SCAPER: variants seen among roughly 807,000 people sequenced by gnomAD.
The protein encoded by SCAPER is S-phase cyclin A associated protein in the ER.
A neutral mutation model predicts 182.2 loss-of-function variants in SCAPER; 98 were observed. That is an observed-to-expected ratio of 0.54 (90% CI 0.46 to 0.64). The LOEUF (loss-of-function observed/expected upper bound fraction) is 0.64. SCAPER is among the 30% of genes least tolerant of loss of function. The pLI, the probability that SCAPER is intolerant of heterozygous loss-of-function variation, is 0.00. For synonymous variants in SCAPER, 605 were observed against 564.6 expected, an observed-to-expected ratio of 1.07 and a Z score of -1.01; for missense variants, 1,432 against 1,690.0, an observed-to-expected ratio of 0.85 and a Z score of 2.68.
intron 17 of SCAPER, among the ~76,000 whole-genome samples, chr15:76,727,874 C>G (rs970942054): frequency 6.6e-6 from 1 of 151,502 alleles, no homozygotes; most frequent in African/African-American, 2.4e-5. Flanking sequence ...GACCCCAATA[C>G]AGGAATGAAC....
intron 5 of SCAPER, among the ~76,000 whole-genome samples, chr15:76,806,684 A>G (rs998882903): frequency 2.0e-5 from 3 of 152,156 alleles, no homozygotes; most frequent in Admixed American, 6.5e-5. Flanking sequence ...TGAATTCTGA[A>G]TATCTTTTCC....
chr15:76,440,918 G>C (rs4606682), intron 25 of SCAPER, among the ~76,000 whole-genome samples: 1 of 62,654 alleles, frequency 1.6e-5, no homozygotes, highest in Non-Finnish European at 2.9e-5. Flanking sequence ...TTTTTTTTTT[G>C]TTTTTTTTTT....
At chr15:76,628,990 C>T (rs1231581084) in intron 21 of SCAPER, among the ~76,000 whole-genome samples, 3 of 152,206 alleles carry the variant, frequency 2.0e-5, no homozygotes, top group African/African-American at 7.2e-5. Context: ...TCCTTCACTT[C>T]CCTTGTTAGC....
intron 21 of SCAPER, among the ~76,000 whole-genome samples, chr15:76,662,578 T>C (rs992951432): frequency 1.3e-5 from 2 of 152,130 alleles, no homozygotes; most frequent in African/African-American, 4.8e-5. Context: ...CAGAAATATA[T>C]TTAAACTAAT....
chr15:76,683,907 C>T (rs2057881652), intron 20 of SCAPER, among the ~76,000 whole-genome samples: 1 of 152,114 alleles, frequency 6.6e-6, no homozygotes, highest in Non-Finnish European at 1.5e-5. Flanking sequence ...GGAGTTCAGC[C>T]TTGTAATGGA....
At chr15:76,411,601 T>G (rs898397590) in intron 26 of SCAPER, among the ~76,000 whole-genome samples, 1 of 152,144 alleles carries the variant, frequency 6.6e-6, no homozygotes, top group Non-Finnish European at 1.5e-5. Flanking sequence ...TGGGAAAGTC[T>G]TTTTGTGAAC....
intron 23 of SCAPER, chr15:76,567,303 T>G (rs1350626911): frequency 2.2e-6 from 1 of 452,560 alleles, no homozygotes; most frequent in African/African-American, 2.0e-5. Context: ...GATGGATTCT[T>G]GCACTATTTT....
intron 4 of SCAPER, among the ~76,000 whole-genome samples, chr15:76,845,483 C>G (rs575666695): frequency 1.3e-5 from 2 of 151,968 alleles, no homozygotes; most frequent in African/African-American, 4.8e-5. Flanking sequence ...CCACCAAAAA[C>G]TATTAGAACT....
chr15:76,607,462 T>TTTCC (rs2050537642), intron 22 of SCAPER, among the ~76,000 whole-genome samples: 1 of 152,246 alleles, frequency 6.6e-6, no homozygotes, highest in Admixed American at 6.5e-5. Context: ...TTTTCCTTCA[T>TTTCC]TTCAACTTTG....
At chr15:76,444,100 T>C (rs949233965) in intron 25 of SCAPER, among the ~76,000 whole-genome samples, 1 of 152,216 alleles carries the variant, frequency 6.6e-6, no homozygotes, top group Non-Finnish European at 1.5e-5. Context: ...AGGGTCCTTT[T>C]CCACCACAGC....
At chr15:76,642,558 A>C (rs917013777) in intron 21 of SCAPER, among the ~76,000 whole-genome samples, 1 of 152,160 alleles carries the variant, frequency 6.6e-6, no homozygotes, top group Non-Finnish European at 1.5e-5. Context: ...TTATCACTTC[A>C]TACCTGGATC....
intron 8 of SCAPER, among the ~76,000 whole-genome samples, chr15:76,790,283 T>A (rs1333947735): frequency 6.6e-6 from 1 of 152,102 alleles, no homozygotes; most frequent in African/African-American, 2.4e-5. Context: ...TTTAATTTCC[T>A]TGTTAGATTT....
At chr15:76,628,788 G>C (rs2044520446) in intron 21 of SCAPER, among the ~76,000 whole-genome samples, 1 of 152,128 alleles carries the variant, frequency 6.6e-6, no homozygotes, top group South Asian at 2.1e-4. Flanking sequence ...TTTTAAAATA[G>C]TTTATTCTAA....
At chr15:76,870,274 C>T (rs76170392) in intron 2 of SCAPER, among the ~76,000 whole-genome samples, 6,977 of 151,966 alleles carry the variant, frequency 0.046, 468 homozygotes, top group African/African-American at 0.15. Context: ...TACAAAAAGA[C>T]ATATTTAGGT....
rs574114718 is a variant in SCAPER, at chr15:76,441,036, C to G, written c.3079-6726G>C. Among the ~76,000 whole-genome samples, 402 of 150,712 alleles carry G rather than the reference C, an allele frequency of 2.7e-3. 3 individuals are homozygous for G. Among genetic ancestry groups the G allele is most frequent in the African/African-American group, 9.4e-3 (387 of 41,080 alleles). On this transcript the variant is annotated intron_variant, in intron 25 of 31. Coordinates refer to ENST00000563290, the MANE Select transcript of SCAPER (RefSeq NM_020843.4). ...TCCCAGGTTCACGCCATTCTCCCAC[C>G]TCAGCCTCCTGAGTAGCTGGGACTA...
intron 4 of SCAPER, among the ~76,000 whole-genome samples, chr15:76,848,235 G>A (rs1001410206): frequency 6.6e-6 from 1 of 151,930 alleles, no homozygotes. Flanking sequence ...CCTAATCTCA[G>A]GTGACCTGCC....
Position 76,883,805 on chromosome 15 carries a change from C to A in SCAPER, c.6+7G>T. 3 of 1,529,598 alleles carry A rather than the reference C, an allele frequency of 2.0e-6. No individual in the cohort carries two copies. The highest frequency in any genetic ancestry group is 4.8e-5 in the East Asian group (2 of 41,764). 94.8% of individuals were successfully genotyped at this position (1,529,598 alleles called of 1,614,324 possible). The stretch of plus-strand genomic sequence containing the variant: ...AAACTAAGGCTAGTCTTTAAGATAT[C>A]ACTTACCATCATTCTTTAAATTCTC... On this transcript the variant is annotated splice_region_variant and intron_variant, in intron 2 of 31. Transcript: ENST00000563290.
chr15:76,798,289 G>A (rs1025203004), intron 7 of SCAPER, among the ~76,000 whole-genome samples: 31 of 151,492 alleles, frequency 2.0e-4, no homozygotes, highest in African/African-American at 7.5e-4. Flanking sequence ...GAACCCAGGA[G>A]GTAGACATCG....
intron 20 of SCAPER, among the ~76,000 whole-genome samples, chr15:76,676,025 ATGT>A (rs373289096): frequency 3.3e-5 from 5 of 152,232 alleles, no homozygotes; most frequent in Middle Eastern, 3.4e-3. Flanking sequence ...GGGTTTTGCC[ATGT>A]TGGCCAGGCT....
Sources: gnomAD v4.1 joint callset for allele counts (sites outside exome capture counted in the v4.1 genomes callset) on GRCh38, gnomAD v4.1.1 for gene constraint, MANE v1.5 for transcripts, NCBI Gene and HGNC (gene_info 2026-07-23, HGNC 2026-07-21) for gene names.